The following HOOK2 variants were observed in gnomAD, a reference collection of about 807,000 sequenced individuals.
The protein encoded by HOOK2 is hook microtubule tethering protein 2.
A neutral mutation model predicts 111.9 loss-of-function variants in HOOK2; 108 were observed. The ratio of observed to expected loss-of-function variants is 0.96; its 90% CI spans 0.83 to 1.13. The LOEUF (loss-of-function observed/expected upper bound fraction) is 1.13, where lower values mean the gene tolerates loss of function less well. Ranked by LOEUF, HOOK2 falls within the 50% of genes most tolerant of loss-of-function variation. The pLI is 0.00. For missense variants in HOOK2, 978 were observed against 951.3 expected, an observed-to-expected ratio of 1.03 and a Z score of -0.37; for synonymous variants, 405 against 394.3, an observed-to-expected ratio of 1.03 and a Z score of -0.32.
In HOOK2 at chr19:12,791,076, G is replaced by A. The variant is rs1253866366; in HGVS notation, n.42-16851C>T. Among the ~76,000 whole-genome samples, 5 of 152,152 alleles carry A rather than the reference G, an allele frequency of 3.3e-5. No homozygotes were observed. Among genetic ancestry groups the A allele is most frequent in the Non-Finnish European group, 7.3e-5 (5 of 68,028 alleles). On this transcript the variant is annotated intron_variant and non_coding_transcript_variant, in intron 3 of 3. Coordinates refer to the HOOK2 transcript ENST00000589765. This position sits in a 1 kb window ranked among gnomAD's most constrained non-coding sequence, Gnocchi z 7.0. ...TTTGGGGTCTCCCAATGGATTGTCA[G>A]TCCTCCTACCCCTCTCGTATTCTGG...
chr19:12,772,568 C>T lies in HOOK2; in HGVS notation c.456+45G>A, dbSNP rs537032210. The T allele has an allele frequency of 1.9e-6, 3 of 1,599,128 alleles. No homozygotes were observed. The South Asian group carries it at 3.3e-5, about 18-fold the overall frequency. Reference sequence around the variant, plus strand: ...AGTTCTCTCTGCCCTAGAGATGTCCCCTCTCCTGACATTTTCCAATTGCAC... The same window carrying T: ...AGTTCTCTCTGCCCTAGAGATGTCCTCTCTCCTGACATTTTCCAATTGCAC... On this transcript the variant is annotated intron_variant, in intron 6 of 22. Coordinates refer to ENST00000397668, the MANE Select transcript of HOOK2 (RefSeq NM_013312.3).
chr19:12,768,750 G>A (rs892652989), intron 11 of HOOK2, among the ~76,000 whole-genome samples: 1 of 151,880 alleles, frequency 6.6e-6, no homozygotes, highest in Admixed American at 6.6e-5. Context: ...TGGGATTATA[G>A]GCATGAGTCA....
upstream of HOOK2, among the ~76,000 whole-genome samples, chr19:12,779,564 C>T (rs1184062536): frequency 6.6e-6 from 1 of 152,140 alleles, no homozygotes; most frequent in Non-Finnish European, 1.5e-5. Context: ...CTATGTTGCC[C>T]AGGATGGTCT....
chr19:12,792,053 C>G, intron 3 of HOOK2: 1 of 1,610,514 alleles, frequency 6.2e-7, no homozygotes, highest in South Asian at 1.1e-5. Flanking sequence ...TTGTCCCCAA[C>G]AGCAACGGCG....
intron 20 of HOOK2, 198 bp downstream of exon 20, chr19:12,764,616 C>G: frequency 1.7e-6 from 1 of 604,072 alleles, no homozygotes; most frequent in Non-Finnish European, 2.9e-6. Context: ...CCATGAGCCA[C>G]GGCACCCAGC....
rs1599522787 is a variant in HOOK2 at position 12,791,540 on chromosome 19, G to A, written n.42-17315C>T. The stretch of plus-strand genomic sequence containing the variant: ...GGAGCCAGCAGGGAGCTGGGAGCTG[G>A]GGGAAACGACGCCAGGAAAGCTATC... On this transcript the variant is annotated intron_variant and non_coding_transcript_variant, in intron 3 of 3. Transcript: ENST00000589765. This position sits in a 1 kb window ranked among gnomAD's most constrained non-coding sequence, Gnocchi z 7.0. The A allele has an allele frequency of 2.1e-6, 1 of 484,630 alleles. No individual in the cohort carries two copies. The highest frequency in any genetic ancestry group is 3.6e-6 in the Non-Finnish European group (1 of 275,840). 30.0% of individuals were successfully genotyped at this position (484,630 alleles called of 1,614,324 possible).
chr19:12,763,837 C>A, intron 20 of HOOK2, 59 bp from the exon 21 acceptor site: 1 of 1,149,860 alleles, frequency 8.7e-7, no homozygotes, highest in Non-Finnish European at 1.3e-6. Context: ...CTGGGACATA[C>A]TGGGGTGTGT....
upstream of HOOK2, among the ~76,000 whole-genome samples, chr19:12,776,639 A>T (rs1192976151): frequency 6.9e-6 from 1 of 144,404 alleles, no homozygotes; most frequent in African/African-American, 2.6e-5. Flanking sequence ...AGATCGTACC[A>T]CTGCACTCCA....
upstream of HOOK2, among the ~76,000 whole-genome samples, chr19:12,776,814 C>T (rs1050804084): frequency 4.0e-5 from 6 of 151,802 alleles, no homozygotes; most frequent in Non-Finnish European, 8.8e-5. Context: ...GGCCACTACA[C>T]TCCAGTCTGG....
rs755951019 is a variant in HOOK2 at position 12,770,083 on chromosome 19, CT to C, written c.903-2del. On this transcript the variant is annotated splice_acceptor_variant, in intron 10 of 22. Coordinates refer to ENST00000397668, the MANE Select transcript of HOOK2 (RefSeq NM_013312.3). LOFTEE classifies it high-confidence loss of function. ...CTGCCCAGCACGCTCCGAAGACTGC[CT>C]AGGGGAGTGGGAGGGAAGGGGGAGG... The C allele has an allele frequency of 6.7e-7, 1 of 1,493,600 alleles. No homozygotes were observed. Among genetic ancestry groups the C allele is most frequent in the Non-Finnish European group, 8.9e-7 (1 of 1,122,330 alleles). The allele number at this position is 1,493,600 out of a possible 1,614,324, so 92.5% of individuals were successfully genotyped here.
rs1046922493 is a variant in HOOK2, at chr19:12,791,624, C to A, written n.42-17399G>T. The A allele has an allele frequency of 3.5e-6, 2 of 566,032 alleles. No homozygotes were observed. The highest frequency in any genetic ancestry group is 6.0e-6 in the Non-Finnish European group (2 of 334,564). 35.1% of individuals were successfully genotyped at this position (566,032 alleles called of 1,614,324 possible). A position where few individuals can be genotyped will look rare whatever the true frequency, so the allele number is the denominator to read the frequency against. ...TGACAGGGCTTTTGCGCACAGCTGC[C>A]GGCTGGCTGCTACCCGCCCGCGCCA... is the stretch of plus-strand genomic sequence containing the variant. On this transcript the variant is annotated intron_variant and non_coding_transcript_variant, in intron 3 of 3. Coordinates refer to the HOOK2 transcript ENST00000589765. The surrounding 1 kb of genome is among the most constrained non-coding windows in gnomAD (Gnocchi z 7.0).
intron 3 of HOOK2, 142 bp downstream of exon 3, chr19:12,774,527 C>T (rs1426505004): frequency 1.2e-6 from 1 of 810,182 alleles, no homozygotes; most frequent in Non-Finnish European, 2.1e-6. Context: ...GGTGAGTACT[C>T]CATAGATGAA....
rs111776493 is a variant in HOOK2, at chr19:12,765,220, T to TG, written c.1641-140dup. 18,383 of 789,460 alleles carry TG rather than the reference T, an allele frequency of 0.023. 2,364 individuals carry two copies. In the African/African-American group the frequency reaches 0.28, roughly 12 times the overall value. The allele number at this position is 789,460 out of a possible 1,614,324, so 48.9% of individuals were successfully genotyped here. A position where few individuals can be genotyped will look rare whatever the true frequency, so the allele number is the denominator to read the frequency against. On this transcript the variant is annotated intron_variant, in intron 18 of 22. Transcript: ENST00000397668. ...GCCCTCTCTGCCTGCCCCTCATGCC[T>TG]GGGGCTGTGTGCCCTGGTCCCACCG...
intron 20 of HOOK2, among the ~76,000 whole-genome samples, chr19:12,764,036 A>G (rs1420318971): frequency 3.9e-5 from 6 of 151,982 alleles, no homozygotes; most frequent in Non-Finnish European, 2.9e-5. Flanking sequence ...TATTTTTGTG[A>G]TGGAGTCTGG....
At chr19:12,780,919 A>G (rs1447628985), upstream of HOOK2, among the ~76,000 whole-genome samples, 4 of 146,256 alleles carry the variant, frequency 2.7e-5, no homozygotes, top group African/African-American at 1.0e-4. Flanking sequence ...CGGAGCTTGC[A>G]GTGAGCGGAG....
At chr19:12,765,297 CG>C (rs1479187605) in intron 18 of HOOK2, 9 of 606,616 alleles carry the variant, frequency 1.5e-5, no homozygotes, top group Middle Eastern at 2.6e-4. Flanking sequence ...AGGTATGCCC[CG>C]GAACAGCCCC....
At chr19:12,775,147 C>T in intron 1 of HOOK2, 13 of 971,486 alleles carry the variant, frequency 1.3e-5, no homozygotes, top group Non-Finnish European at 1.6e-5. Context: ...GCCCCACAGG[C>T]ACCACGTGAC....
intron 20 of HOOK2, 28 bp downstream of exon 20, chr19:12,764,786 A>G (rs1222398255): frequency 2.5e-6 from 4 of 1,595,076 alleles, no homozygotes; most frequent in Non-Finnish European, 3.4e-6. Flanking sequence ...CAGGGCAGGC[A>G]ACTTGTGGGA....
chr19:12,769,159 G>A (rs1297710100), intron 11 of HOOK2, among the ~76,000 whole-genome samples: 3 of 151,864 alleles, frequency 2.0e-5, no homozygotes, highest in Non-Finnish European at 2.9e-5. Context: ...TAGAGATGGG[G>A]TTTCACCGTG....
Sources: allele counts gnomAD v4.1 joint callset (sites outside exome capture counted in the v4.1 genomes callset), GRCh38; gene constraint gnomAD v4.1.1; non-coding constraint Gnocchi (gnomAD v3.1); transcripts MANE v1.5; gene names NCBI Gene and HGNC (gene_info 2026-07-23, HGNC 2026-07-21).